Variants in CXorf38 observed in about 807,000 individuals in gnomAD.
CXorf38 encodes the protein chromosome X open reading frame 38, also known as uncharacterized protein CXorf38.
CXorf38 carries 13 observed loss-of-function variants against 27.5 expected under a neutral mutation model. That is an observed-to-expected ratio of 0.47 (90% CI 0.31 to 0.75). The LOEUF is 0.75. Among genes scored for constraint, CXorf38 ranks in the 30% least tolerant of loss-of-function variants. The pLI is 0.05. For synonymous variants in CXorf38, 100 were observed against 99.8 expected (o/e 1.00, Z -0.01); for missense variants, 240 against 253.2 (o/e 0.95, Z 0.35).
At chrX:40,639,993 A>G (rs1928247591) in intron 2 of CXorf38, 1 of 147,151 alleles carries the variant, frequency 6.8e-6, no homozygotes, top group South Asian at 1.2e-4. Context: ...TTACTAGGCT[A>G]AGAATCACAA....
intron 5 of CXorf38, among the ~76,000 whole-genome samples, chrX:40,631,288 C>CGT (rs1927791214): frequency 1.2e-5 from 1 of 83,924 alleles, no homozygotes; most frequent in East Asian, 3.9e-4. Context: ...CACACACACA[C>CGT]ACGTGTATGT....
At chrX:40,642,262 T>C (rs1263638581) in intron 2 of CXorf38, among the ~76,000 whole-genome samples, 1 of 111,415 alleles carries the variant, frequency 9.0e-6, no homozygotes, top group Non-Finnish European at 1.9e-5. Context: ...AGACAAACTG[T>C]TCTACTTTAG....
chrX:40,639,885 G>A, intron 2 of CXorf38: 1 of 123,896 alleles, frequency 8.1e-6, no homozygotes, highest in Non-Finnish European at 1.7e-5. Flanking sequence ...CCTTTAGTAG[G>A]AATTTTATGG....
chrX:40,644,091 C>T (rs1928467395), intron 2 of CXorf38, among the ~76,000 whole-genome samples: 3 of 112,145 alleles, frequency 2.7e-5, no homozygotes, highest in Admixed American at 1.9e-4. Flanking sequence ...TGAACATCTG[C>T]GTACATTTTT....
intron 2 of CXorf38, among the ~76,000 whole-genome samples, chrX:40,640,939 CAAAAAA>C (rs148737476): frequency 1.9e-5 from 1 of 51,372 alleles, no homozygotes; most frequent in Non-Finnish European, 3.3e-5. Flanking sequence ...GACTCTGTCT[CAAAAAA>C]AAAAAAAAAA....
chrX:40,635,546 G>A (rs1928030162), intron 5 of CXorf38, among the ~76,000 whole-genome samples: 1 of 113,030 alleles, frequency 8.8e-6, no homozygotes, highest in East Asian at 2.8e-4. Context: ...TCCAGCCAGT[G>A]CTGAAATATT....
chrX:40,634,691 G>T (rs1927984331), intron 5 of CXorf38, among the ~76,000 whole-genome samples: 1 of 111,906 alleles, frequency 8.9e-6, no homozygotes, highest in African/African-American at 3.2e-5. Context: ...ATCATATAGG[G>T]TACTGAACTT....
At chrX:40,634,295 T>C (rs1485579777) in intron 5 of CXorf38, among the ~76,000 whole-genome samples, 2 of 111,744 alleles carry the variant, frequency 1.8e-5, no homozygotes, top group Non-Finnish European at 3.8e-5. Flanking sequence ...GGTCCCAAAC[T>C]CCTGGGCTCA....
At chrX:40,644,235 GGA>G in intron 2 of CXorf38, among the ~76,000 whole-genome samples, 1 of 111,026 alleles carries the variant, frequency 9.0e-6, no homozygotes, top group South Asian at 3.7e-4. Context: ...CTTTTTCTAT[GGA>G]GATGGGAATG....
In CXorf38 at chrX:40,627,736, A is replaced by G. The variant is rs1318355962; in HGVS notation, c.*2428T>C. On this transcript the variant is annotated 3_prime_UTR_variant, in exon 7 of 7. Transcript: ENST00000327877. ...TCTATATATGATGCTACATTGCCTT[A>G]AAGCCCTCTCTAGGGCTTTAAAAAG... 1 of 111,979 alleles carries G rather than the reference A, an allele frequency of 8.9e-6. No homozygotes were observed. The highest frequency in any genetic ancestry group is 2.8e-4 in the East Asian group (1 of 3,590). The allele number at this position is 111,979 out of a possible 1,213,427, so 9.2% of individuals were successfully genotyped here. A position where few individuals can be genotyped will look rare whatever the true frequency, so the allele number is the denominator to read the frequency against.
At chrX:40,636,408 TG>T (rs1928066351) in intron 5 of CXorf38, 124 bp downstream of exon 5, 1 of 458,125 alleles carries the variant, frequency 2.2e-6, no homozygotes, top group South Asian at 4.4e-5. Context: ...TTCACACTTC[TG>T]GAAATTATTT....
At chrX:40,639,768 T>G in intron 2 of CXorf38, 1 of 122,562 alleles carries the variant, frequency 8.2e-6, no homozygotes, top group Non-Finnish European at 1.7e-5. Context: ...TGGCAATTAT[T>G]ATGTAGATGG....
intron 5 of CXorf38, among the ~76,000 whole-genome samples, chrX:40,632,268 G>A (rs1054102695): frequency 9.0e-6 from 1 of 111,675 alleles, no homozygotes; most frequent in East Asian, 2.8e-4. Context: ...CCACTTGAGC[G>A]GAGACTTTCT....
intron 5 of CXorf38, among the ~76,000 whole-genome samples, chrX:40,634,258 A>G (rs1927962109): frequency 9.0e-6 from 1 of 111,229 alleles, no homozygotes; most frequent in African/African-American, 3.3e-5. Context: ...TGTTTAAGAG[A>G]TGGGGTCTCC....
chrX:40,644,042 G>C (rs1267862376), intron 2 of CXorf38, among the ~76,000 whole-genome samples: 1 of 111,950 alleles, frequency 8.9e-6, no homozygotes, highest in Non-Finnish European at 1.9e-5. Context: ...GGGTATTTGG[G>C]TTGTTTCTAC....
chrX:40,644,418 A>T (rs1389039512), intron 2 of CXorf38, among the ~76,000 whole-genome samples: 1 of 112,047 alleles, frequency 8.9e-6, no homozygotes, highest in Non-Finnish European at 1.9e-5. Context: ...GGTGTTGGCA[A>T]AAAGAAGAGG....
rs897774857 is a variant in CXorf38, at chrX:40,628,485, G to C, written c.*1679C>G. The C allele has an allele frequency of 9.0e-6, 1 of 111,339 alleles. No individual in the cohort carries two copies. The highest frequency in any genetic ancestry group is 3.3e-5 in the African/African-American group (1 of 30,515). 9.2% of individuals were successfully genotyped at this position (111,339 alleles called of 1,213,427 possible). A position where few individuals can be genotyped will look rare whatever the true frequency, so the allele number is the denominator to read the frequency against. On this transcript the variant is annotated 3_prime_UTR_variant, in exon 7 of 7. Transcript: ENST00000327877. ...GAAACAAGTAGATGCGGGGAAAGGC[G>C]AAAGTGAGGCCGACTCCACGGACCA...
chrX:40,640,939 C>CAAAAA, intron 2 of CXorf38, among the ~76,000 whole-genome samples: 1 of 51,341 alleles, frequency 1.9e-5, no homozygotes, highest in Admixed American at 2.8e-4. Context: ...GACTCTGTCT[C>CAAAAA]AAAAAAAAAA....
At chrX:40,640,786 A>G (rs1402932910) in intron 2 of CXorf38, among the ~76,000 whole-genome samples, 1 of 110,025 alleles carries the variant, frequency 9.1e-6, no homozygotes, top group African/African-American at 3.3e-5. Context: ...CTAAAAATAC[A>G]AAAACCAGCC....
Sources: allele counts gnomAD v4.1 joint callset (sites outside exome capture counted in the v4.1 genomes callset), GRCh38; gene constraint gnomAD v4.1.1; transcripts MANE v1.5; gene names NCBI Gene and HGNC (gene_info 2026-07-23, HGNC 2026-07-21).